The following TMEM151B variants were observed in gnomAD, a reference collection of about 807,000 sequenced individuals.
TMEM151B encodes transmembrane protein 151B, also known as transmembrane protein 193.
In TMEM151B, 18 loss-of-function variants were observed where a neutral mutation model predicts 33.0. The ratio of observed to expected loss-of-function variants is 0.55; its 90% CI spans 0.38 to 0.81. The LOEUF is 0.81. TMEM151B is among the 30% of genes least tolerant of loss of function. The pLI is 0.00. For missense variants in TMEM151B, 672 were observed against 843.4 expected (o/e 0.80, Z 2.52); for synonymous variants, 354 against 373.6 (o/e 0.95, Z 0.61).
In TMEM151B at chr6:44,275,714, C is replaced by T. The variant is rs2153338262; in HGVS notation, c.888C>T (p.Tyr296=). The T allele has an allele frequency of 2.6e-6, 4 of 1,549,680 alleles. No individual in the cohort carries two copies. Among genetic ancestry groups the T allele is most frequent in the Non-Finnish European group, 3.5e-6 (4 of 1,146,338 alleles). The change falls in exon 3 of 3, where the codon TAC becomes TAT. Residue 296 remains tyrosine, a synonymous_variant. Transcript: ENST00000451188. ...CGGACCCGGCCCGGCCGCCCTGGTACGCCTGCTCGTCGGCCTTCTGGGCCG... is the reference window on the plus strand; with the variant it reads ...CGGACCCGGCCCGGCCGCCCTGGTATGCCTGCTCGTCGGCCTTCTGGGCCG... ...AFPDPARPPW[Y]ACSSAFWAAA...
At chr6:44,272,771 T>A (rs1350105621) in intron 1 of TMEM151B, among the ~76,000 whole-genome samples, 1 of 152,152 alleles carries the variant, frequency 6.6e-6, no homozygotes, top group Non-Finnish European at 1.5e-5. Context: ...CCTGGGCCTC[T>A]ATCTCTGGCT....
chr6:44,274,126 A>G (rs1782474459), intron 2 of TMEM151B, among the ~76,000 whole-genome samples: 1 of 152,174 alleles, frequency 6.6e-6, no homozygotes, highest in African/African-American at 2.4e-5. Flanking sequence ...GAGGTGGGAG[A>G]ATCGCTTGAG....
In TMEM151B at chr6:44,276,755, G is replaced by A; in HGVS notation, c.*228G>A. The A allele has an allele frequency of 1.1e-6, 1 of 910,002 alleles. No individual in the cohort carries two copies. Among genetic ancestry groups the A allele is most frequent in the Non-Finnish European group, 1.4e-6 (1 of 696,528 alleles). The allele number at this position is 910,002 out of a possible 1,614,324, so 56.4% of individuals were successfully genotyped here. On this transcript the variant is annotated 3_prime_UTR_variant, in exon 3 of 3. Coordinates refer to ENST00000451188, the MANE Select transcript of TMEM151B (RefSeq NM_001137560.2). ...GTCGGCTGCTCCCCGAGATCCCCCT[G>A]GCAGAGTCATTCTTCCAGCCCCAAC...
rs1782601405 is a variant in TMEM151B, at chr6:44,276,615, G to C, written c.*88G>C. 1 of 1,291,882 alleles carries C rather than the reference G, an allele frequency of 7.7e-7. No individual in the cohort carries two copies. The highest frequency in any genetic ancestry group is 4.0e-5 in the Admixed American group (1 of 24,784). The allele number at this position is 1,291,882 out of a possible 1,614,324, so 80.0% of individuals were successfully genotyped here. On this transcript the variant is annotated 3_prime_UTR_variant, in exon 3 of 3. Transcript: ENST00000451188. ...CTGCGACGCAGGGCGAGTCACCACG[G>C]TGACTGAGGCCGCGCGGGGGGCAGG... is the stretch of plus-strand genomic sequence containing the variant.
chr6:44,275,870 C>A lies in TMEM151B; in HGVS notation c.1044C>A (p.Leu348=), dbSNP rs1226547626. 6.5e-7 allele frequency: 1 copy of A among 1,540,922 alleles called. No homozygotes were observed. Among genetic ancestry groups the A allele is most frequent in the Non-Finnish European group, 8.7e-7 (1 of 1,144,914 alleles). The stretch of plus-strand genomic sequence containing the variant: ...CGGCCAGCAGCGCAGGCGGTGGCCT[C>A]AGCCCCAGCGATGAGCTGCTGCCCC... ...PGSASSAGGG[L]SPSDELLPPL... Residue 348 remains leucine (L), a synonymous_variant, in exon 3 of 3, where the codon CTC becomes CTA. Coordinates refer to ENST00000451188, the MANE Select transcript of TMEM151B (RefSeq NM_001137560.2).
chr6:44,276,030 T>TGCGGCGGGGCAG lies in TMEM151B; in HGVS notation c.1212_1223dup (p.Ala405_Gly408dup), dbSNP rs1258588286. ...GGACCTGGCGGGGCTCGGGACGCGC[T>TGCGGCGGGGCAG]GCGGCGGGGCAGGCGGCGGCTACGC... On this transcript the variant is annotated inframe_insertion, in exon 3 of 3. Coordinates refer to ENST00000451188, the MANE Select transcript of TMEM151B (RefSeq NM_001137560.2). The TGCGGCGGGGCAG allele has an allele frequency of 1.5e-5, 20 of 1,350,660 alleles. No individual in the cohort carries two copies. Among genetic ancestry groups the TGCGGCGGGGCAG allele is most frequent in the Non-Finnish European group, 1.9e-5 (20 of 1,054,708 alleles). The allele number at this position is 1,350,660 out of a possible 1,614,324, so 83.7% of individuals were successfully genotyped here. A position where few individuals can be genotyped will look rare whatever the true frequency, so the allele number is the denominator to read the frequency against.
chr6:44,276,386 C>G lies in TMEM151B; in HGVS notation c.1560C>G (p.Asp520Glu), dbSNP rs1040590138. 18 of 1,515,600 alleles carry G rather than the reference C, an allele frequency of 1.2e-5. No homozygotes were observed. Among genetic ancestry groups the G allele is most frequent in the Non-Finnish European group, 1.5e-5 (17 of 1,137,492 alleles). The allele number at this position is 1,515,600 out of a possible 1,614,324, so 93.9% of individuals were successfully genotyped here. The stretch of plus-strand genomic sequence containing the variant: ...GCATGGGGGACGACGAGGACGACGA[C>G]GAGGAGGAGGCCGGGCCGCCGCCGC... ...QASMGDDEDD[D>E]EEEAGPPPPY... The change falls in exon 3 of 3, where the codon GAC becomes GAG. Residue 520 changes from aspartate to glutamate, a missense_variant. By Grantham distance (45) the Asp-to-Glu change is conservative. Around this residue, in one of 3 missense-constraint regions of TMEM151B, gnomAD observed 324 missense variants for 363.1 expected, o/e 0.89. Coordinates refer to ENST00000451188, the MANE Select transcript of TMEM151B (RefSeq NM_001137560.2).
intron 2 of TMEM151B, among the ~76,000 whole-genome samples, chr6:44,274,511 TC>T (rs1782489899): frequency 1.3e-5 from 2 of 152,264 alleles, no homozygotes; most frequent in African/African-American, 2.4e-5. Context: ...GAGGAGACGT[TC>T]CCAGATGCAG....
At position 44,270,546 on chromosome 6, in the gene TMEM151B, G is replaced by A. The variant is rs1782280942; in HGVS notation, c.-197G>A. 9.1e-6 allele frequency: 1 copy of A among 109,512 alleles called. No individual in the cohort carries two copies. Among genetic ancestry groups the A allele is most frequent in the African/African-American group, 3.5e-5 (1 of 28,546 alleles). The allele number at this position is 109,512 out of a possible 1,614,324, so 6.8% of individuals were successfully genotyped here. ...CCCGGCCCCGGCCCCCCCCGGCCCG[G>A]CCCCCCAGCCTGCCTCCCACCCTCA... On this transcript the variant is annotated 5_prime_UTR_variant, in exon 1 of 3. Transcript: ENST00000451188.
chr6:44,273,446 T>C lies in TMEM151B; in HGVS notation c.516T>C (p.Tyr172=). The C allele has an allele frequency of 6.4e-7, 1 of 1,550,672 alleles. No homozygotes were observed. The highest frequency in any genetic ancestry group is 1.2e-5 in the South Asian group (1 of 84,064). The change falls in exon 2 of 3, where the codon TAT becomes TAC. Residue 172 remains tyrosine, a synonymous_variant. Transcript: ENST00000451188. ...GGTGGAAGGCCATCAGCTACCACTA[T>C]GTCCGCCGCACCCGCCAGGTCACCA... The part of the protein sequence containing the change: ...CIWWKAISYH[Y]VRRTRQVTRY...
Position 44,273,394 on chromosome 6 carries a change from G to A in TMEM151B, c.464G>A (p.Arg155His), listed in dbSNP as rs1281874329. 10 of 1,551,150 alleles carry A rather than the reference G, an allele frequency of 6.4e-6. No individual in the cohort carries two copies. The highest frequency in any genetic ancestry group is 1.7e-4 in the Middle Eastern group (1 of 5,992). ...DVSSVRERVG[R>H]MQQATPCIWW... ...AGCAGTGTGCGGGAACGTGTGGGCC[G>A]CATGCAGCAAGCCACGCCCTGCATC... The change falls in exon 2 of 3, where the codon CGC becomes CAC. Residue 155 changes from arginine (R) to histidine (H), a missense_variant. Physicochemically the swap from Arg to His is conservative, Grantham distance 29. Around this residue, in one of 3 missense-constraint regions of TMEM151B, gnomAD observed 285 missense variants for 423.1 expected, o/e 0.67. Coordinates refer to ENST00000451188, the MANE Select transcript of TMEM151B (RefSeq NM_001137560.2).
Position 44,276,563 on chromosome 6 carries a change from C to T in TMEM151B, c.*36C>T, listed in dbSNP as rs1177242259. ...CGGAGTGGCCCGCGCCGTCCTCCCGCCTGCCCCTCGCCGGACTGTGCTCCC... is the reference window on the plus strand; with the variant it reads ...CGGAGTGGCCCGCGCCGTCCTCCCGTCTGCCCCTCGCCGGACTGTGCTCCC... On this transcript the variant is annotated 3_prime_UTR_variant, in exon 3 of 3. Transcript: ENST00000451188. The T allele has an allele frequency of 7.5e-7, 1 of 1,336,908 alleles. No individual in the cohort carries two copies. Among genetic ancestry groups the T allele is most frequent in the Non-Finnish European group, 9.6e-7 (1 of 1,041,860 alleles). The allele number at this position is 1,336,908 out of a possible 1,614,324, so 82.8% of individuals were successfully genotyped here.
At chr6:44,272,541 G>A (rs1418103128) in intron 1 of TMEM151B, among the ~76,000 whole-genome samples, 1 of 152,098 alleles carries the variant, frequency 6.6e-6, no homozygotes, top group Non-Finnish European at 1.5e-5. Flanking sequence ...AAAAAATCTG[G>A]AAGTGAGGGC....
chr6:44,275,426 G>A lies in TMEM151B; in HGVS notation c.600G>A (p.Thr200=), dbSNP rs1208186334. Residue 200 remains threonine (T), a synonymous_variant, in exon 3 of 3, where the codon ACG becomes ACA. Coordinates refer to ENST00000451188, the MANE Select transcript of TMEM151B (RefSeq NM_001137560.2). ...TTQVYHERVN[T]HVAEAEFDYA... ...AGGTCTACCACGAACGCGTCAACAC[G>A]CACGTGGCGGAGGCTGAGTTCGACT... 1.3e-6 allele frequency: 2 copies of A among 1,532,678 alleles called. No individual in the cohort carries two copies. Among genetic ancestry groups the A allele is most frequent in the Admixed American group, 2.0e-5 (1 of 50,268 alleles). The allele number at this position is 1,532,678 out of a possible 1,614,324, so 94.9% of individuals were successfully genotyped here.
In TMEM151B at chr6:44,275,588, G is replaced by A; in HGVS notation, c.762G>A (p.Ala254=). 6.4e-7 allele frequency: 1 copy of A among 1,550,892 alleles called. No homozygotes were observed. Among genetic ancestry groups the A allele is most frequent in the Non-Finnish European group, 8.7e-7 (1 of 1,146,680 alleles). ...AGAACGCGTACCTGTGCCAGCGCGC[G>A]CGCTTCTTCGCAGAGAACGAGGGCC... is the stretch of plus-strand genomic sequence containing the variant. ...EAENAYLCQR[A]RFFAENEGLD... The change falls in exon 3 of 3, where the codon GCG becomes GCA. Residue 254 remains alanine (A), a synonymous_variant. Transcript: ENST00000451188.
Position 44,276,497 on chromosome 6 carries a change from C to A in TMEM151B, c.1671C>A (p.Arg557=). 1 of 1,424,398 alleles carries A rather than the reference C, an allele frequency of 7.0e-7. No homozygotes were observed. Among genetic ancestry groups the A allele is most frequent in the African/African-American group, 1.5e-5 (1 of 67,958 alleles). The allele number at this position is 1,424,398 out of a possible 1,614,324, so 88.2% of individuals were successfully genotyped here. A position where few individuals can be genotyped will look rare whatever the true frequency, so the allele number is the denominator to read the frequency against. ...CLGHSHRPLH[R]HGSCVETSL ...GCCACAGCCACCGGCCGCTGCACCGCCACGGCTCCTGCGTAGAGACCTCAC... is the reference window on the plus strand; with the variant it reads ...GCCACAGCCACCGGCCGCTGCACCGACACGGCTCCTGCGTAGAGACCTCAC... Residue 557 remains arginine (R), a synonymous_variant, in exon 3 of 3, where the codon CGC becomes CGA. Coordinates refer to ENST00000451188, the MANE Select transcript of TMEM151B (RefSeq NM_001137560.2).
At chr6:44,275,271 A>G (rs1782532283) in intron 2 of TMEM151B, 132 bp from the exon 3 acceptor site, 6 of 1,418,976 alleles carry the variant, frequency 4.2e-6, no homozygotes, top group Middle Eastern at 5.2e-4. Flanking sequence ...TCCAGCCGGC[A>G]CCTAAACCAA....
chr6:44,275,514 A>G lies in TMEM151B; in HGVS notation c.688A>G (p.Thr230Ala). ...GGTGGGGCTGGAGGGCGCGCCGGCC[A>G]CGCGGCTGCGCTTCACCAAGTGCTT... ...TLVGLEGAPA[T>A]RLRFTKCFSF... Residue 230 changes from threonine to alanine, a missense_variant, in exon 3 of 3, where the codon ACG becomes GCG. Thr to Ala is a moderately conservative substitution (Grantham distance 58). Around this residue, in one of 3 missense-constraint regions of TMEM151B, gnomAD observed 285 missense variants for 423.1 expected, o/e 0.67. Coordinates refer to ENST00000451188, the MANE Select transcript of TMEM151B (RefSeq NM_001137560.2). 2 of 1,549,840 alleles carry G rather than the reference A, an allele frequency of 1.3e-6. No individual in the cohort carries two copies. Among genetic ancestry groups the G allele is most frequent in the Non-Finnish European group, 1.7e-6 (2 of 1,146,372 alleles).
intron 1 of TMEM151B, among the ~76,000 whole-genome samples, chr6:44,272,678 GTCCACATCTTCT>G (rs1454127534): frequency 6.6e-6 from 1 of 152,116 alleles, no homozygotes; most frequent in Admixed American, 6.5e-5. Flanking sequence ...TGTCTTCCCT[GTCCACATCTTCT>G]GTTTCATTGC....
Sources: gnomAD v4.1 joint callset for allele counts (sites outside exome capture counted in the v4.1 genomes callset) on GRCh38, gnomAD v4.1.1 for gene constraint, gnomAD v4.1.1 regional missense constraint, MANE v1.5 for transcripts, NCBI Gene and HGNC (gene_info 2026-07-23, HGNC 2026-07-21) for gene names.